The following NFIB variants were observed in gnomAD, a reference collection of about 807,000 sequenced individuals.
NFIB encodes the protein nuclear factor I B.
Under a neutral mutation model 61.5 loss-of-function variants are expected in NFIB, and 11 were observed. The observed-to-expected ratio is 0.18, with a 90% CI of 0.11 to 0.30. NFIB has a LOEUF of 0.30. NFIB is among the 10% of genes least tolerant of loss of function. The pLI, the probability that NFIB is intolerant of heterozygous loss-of-function variation, is 1.00. For missense variants in NFIB, 471 were observed against 608.9 expected, an observed-to-expected ratio of 0.77 and a Z score of 2.38; for synonymous variants, 260 against 216.5, an observed-to-expected ratio of 1.20 and a Z score of -1.76.
At chr9:14,473,282 T>C in the NFIB span, among the ~76,000 whole-genome samples, 1 of 152,210 alleles carries the variant, frequency 6.6e-6, no homozygotes, top group African/African-American at 2.4e-5. Context: ...GGATACAATT[T>C]TTGACCTGGG....
At chr9:14,520,578 G>A in the NFIB span, among the ~76,000 whole-genome samples, 1 of 152,172 alleles carries the variant, frequency 6.6e-6, no homozygotes, top group African/African-American at 2.4e-5. Flanking sequence ...TCCTTTAAAA[G>A]GAGGGGCTGA....
chr9:14,313,465 G>C lies in NFIB; in HGVS notation c.30+17C>G. On this transcript the variant is annotated intron_variant, in intron 1 of 10. Transcript: ENST00000380953. This position sits in a 1 kb window ranked among gnomAD's most constrained non-coding sequence, Gnocchi z 4.5. ...CGGGCCAGAGAGAAAGCTCGAGAAA[G>C]CGACCGAGACATGTACCTGAGTGAG... 1 of 1,613,714 alleles carries C rather than the reference G, an allele frequency of 6.2e-7. No homozygotes were observed. The highest frequency in any genetic ancestry group is 8.5e-7 in the Non-Finnish European group (1 of 1,179,814).
chr9:14,471,797 T>C, the NFIB span, among the ~76,000 whole-genome samples: 1 of 152,212 alleles, frequency 6.6e-6, no homozygotes, highest in Non-Finnish European at 1.5e-5. Context: ...AGGGTGGCCC[T>C]ACAGAAACCA....
At chr9:14,122,431 A>G (rs936105651) in intron 7 of NFIB, among the ~76,000 whole-genome samples, 3 of 152,322 alleles carry the variant, frequency 2.0e-5, no homozygotes, top group Non-Finnish European at 4.4e-5. Flanking sequence ...ACCAAAATGT[A>G]TATTTTAAAT....
the NFIB span, among the ~76,000 whole-genome samples, chr9:14,427,954 T>TTTTG: frequency 1.0e-4 from 12 of 117,588 alleles, 1 homozygote; most frequent in African/African-American, 3.7e-4. Flanking sequence ...TTTTTTTTTT[T>TTTTG]TTTTTTTTTT....
the NFIB span, among the ~76,000 whole-genome samples, chr9:14,438,076 G>A: frequency 4.6e-5 from 7 of 150,958 alleles, no homozygotes; most frequent in Non-Finnish European, 8.9e-5. Flanking sequence ...GTGTGAGATG[G>A]AGAGAGAGAG....
Position 14,087,222 on chromosome 9 carries a change from C to T in NFIB, c.*1087G>A, listed in dbSNP as rs1013347321. Reference sequence around the variant, plus strand: ...TACCTCCAAGGAGGCTGCAGCTAAACCAACATAAGTGCTGTGTTTTCATTA... The same window carrying T: ...TACCTCCAAGGAGGCTGCAGCTAAATCAACATAAGTGCTGTGTTTTCATTA... On this transcript the variant is annotated 3_prime_UTR_variant, in exon 11 of 11. Transcript: ENST00000380953. 3 of 203,198 alleles carry T rather than the reference C, an allele frequency of 1.5e-5. No homozygotes were observed. Among genetic ancestry groups the T allele is most frequent in the Admixed American group, 6.0e-5 (1 of 16,670 alleles). The allele number at this position is 203,198 out of a possible 1,614,324, so 12.6% of individuals were successfully genotyped here.
At chr9:14,475,103 C>G in the NFIB span, among the ~76,000 whole-genome samples, 1 of 152,222 alleles carries the variant, frequency 6.6e-6, no homozygotes. Context: ...TTAGCTTAGC[C>G]AAGTTGACAC....
At chr9:14,127,762 G>A (rs527520192) in intron 6 of NFIB, among the ~76,000 whole-genome samples, 1 of 152,046 alleles carries the variant, frequency 6.6e-6, no homozygotes, top group South Asian at 2.1e-4. Flanking sequence ...TGCATTTTCA[G>A]CATGGTGGCA....
chr9:14,354,038 G>A (rs2061146580), intron 1 of NFIB, among the ~76,000 whole-genome samples: 1 of 152,008 alleles, frequency 6.6e-6, no homozygotes, highest in Non-Finnish European at 1.5e-5. Flanking sequence ...AACCAAAGGG[G>A]TTACAGTAAG....
the NFIB span, among the ~76,000 whole-genome samples, chr9:14,440,534 C>T: frequency 3.3e-5 from 5 of 152,134 alleles, no homozygotes; most frequent in African/African-American, 9.7e-5. Context: ...ATCACTAGAG[C>T]CACAATCTCT....
chr9:14,474,786 G>C, the NFIB span, among the ~76,000 whole-genome samples: 1 of 152,166 alleles, frequency 6.6e-6, no homozygotes, highest in Non-Finnish European at 1.5e-5. Flanking sequence ...AATTCCATTA[G>C]ACCTTAAGGC....
intron 1 of NFIB, among the ~76,000 whole-genome samples, chr9:14,385,837 C>T (rs1442662901): frequency 6.7e-6 from 1 of 149,202 alleles, no homozygotes; most frequent in Non-Finnish European, 1.5e-5. Context: ...GGCTGGAGTG[C>T]AGTGGTGCAA....
At chr9:14,470,484 AC>A in the NFIB span, among the ~76,000 whole-genome samples, 1 of 152,132 alleles carries the variant, frequency 6.6e-6, no homozygotes, top group Non-Finnish European at 1.5e-5. Context: ...TGTCCTATCT[AC>A]CTTTTACCCT....
At chr9:14,163,796 T>C (rs1008083896) in intron 3 of NFIB, among the ~76,000 whole-genome samples, 12 of 151,998 alleles carry the variant, frequency 7.9e-5, no homozygotes, top group African/African-American at 2.7e-4. Flanking sequence ...ACATCGATCA[T>C]GTTTTTGACC....
At chr9:14,172,552 A>T (rs1479110994) in intron 3 of NFIB, among the ~76,000 whole-genome samples, 1 of 152,228 alleles carries the variant, frequency 6.6e-6, no homozygotes, top group Non-Finnish European at 1.5e-5. Flanking sequence ...GTCAATACTG[A>T]GATTTATGTA....
At chr9:14,461,992 C>T in the NFIB span, among the ~76,000 whole-genome samples, 1 of 152,264 alleles carries the variant, frequency 6.6e-6, no homozygotes, top group South Asian at 2.1e-4. Context: ...AAGGCATTTC[C>T]CCTGAAGACA....
chr9:14,384,748 G>A (rs180718832), intron 1 of NFIB, among the ~76,000 whole-genome samples: 4 of 152,012 alleles, frequency 2.6e-5, no homozygotes. Context: ...TCTATTCATG[G>A]CCTGGTATCA....
chr9:14,128,838 C>T (rs1202473921), intron 6 of NFIB, among the ~76,000 whole-genome samples: 1 of 151,984 alleles, frequency 6.6e-6, no homozygotes, highest in East Asian at 1.9e-4. Context: ...TAAACTCAGG[C>T]AAATTCATGG....
Sources: gnomAD v4.1 joint callset for allele counts (sites outside exome capture counted in the v4.1 genomes callset) on GRCh38, gnomAD v4.1.1 for gene constraint, Gnocchi (gnomAD v3.1) non-coding constraint, MANE v1.5 for transcripts, NCBI Gene and HGNC (gene_info 2026-07-23, HGNC 2026-07-21) for gene names.